Variants in NUTM2B observed in about 807,000 individuals in gnomAD.
NUTM2B encodes NUT family member 2B, also known as family with sequence similarity 22, member B.
In NUTM2B, 2 loss-of-function variants were observed where a neutral mutation model predicts 42.4. The observed-to-expected ratio is 0.05, with a 90% CI of 0.02 to 0.15. The LOEUF (loss-of-function observed/expected upper bound fraction) is 0.15. Ranked by LOEUF, NUTM2B falls within the 10% of genes least tolerant of loss-of-function variation. The probability of loss-of-function intolerance (pLI) is 1.00; values close to 1 mark genes in which losing one functional copy is unlikely to be tolerated. For missense variants in NUTM2B, 58 were observed against 952.6 expected, an observed-to-expected ratio of 0.06 and a Z score of 12.36; for synonymous variants, 18 against 402.4, an observed-to-expected ratio of 0.04 and a Z score of 11.43.
upstream of NUTM2B, among the ~76,000 whole-genome samples, chr10:79,701,400 G>T (rs994504022): frequency 6.6e-5 from 10 of 151,946 alleles, 1 homozygote; most frequent in African/African-American, 2.4e-4. Context: ...CAGAATTCCA[G>T]TTGGCAATAA....
At chr10:79,696,450 C>A in the NUTM2B span, among the ~76,000 whole-genome samples, 1 of 151,268 alleles carries the variant, frequency 6.6e-6, no homozygotes, top group Non-Finnish European at 1.5e-5. Flanking sequence ...AAAAACAAAA[C>A]CAAACGATGT....
At chr10:79,692,726 T>G in the NUTM2B span, among the ~76,000 whole-genome samples, 1 of 152,236 alleles carries the variant, frequency 6.6e-6, no homozygotes, top group Non-Finnish European at 1.5e-5. Flanking sequence ...CTTCCCATGC[T>G]GGGCCTGGGC....
chr10:79,698,515 A>AT (rs565965421), upstream of NUTM2B, among the ~76,000 whole-genome samples: 86 of 127,018 alleles, frequency 6.8e-4, no homozygotes, highest in East Asian at 0.02. Flanking sequence ...TATCTCCAGC[A>AT]TATCATTTAT....
At chr10:79,700,859 G>A (rs1340118045), upstream of NUTM2B, among the ~76,000 whole-genome samples, 1 of 152,240 alleles carries the variant, frequency 6.6e-6, no homozygotes, top group Non-Finnish European at 1.5e-5. Context: ...GGGCCCCGCT[G>A]GAGATGTGGA....
At chr10:79,702,470 C>T (rs1178868467), upstream of NUTM2B, among the ~76,000 whole-genome samples, 2 of 151,512 alleles carry the variant, frequency 1.3e-5, no homozygotes, top group East Asian at 1.9e-4. Context: ...GGGCTTGAGA[C>T]TTGCAATCCA....
the NUTM2B span, among the ~76,000 whole-genome samples, chr10:79,696,775 T>A: frequency 1.3e-5 from 2 of 152,222 alleles, no homozygotes; most frequent in Non-Finnish European, 2.9e-5. Flanking sequence ...CACTAGCATG[T>A]GCAGCAATAG....
upstream of NUTM2B, among the ~76,000 whole-genome samples, chr10:79,701,563 G>A (rs1840314997): frequency 1.3e-5 from 2 of 151,876 alleles, no homozygotes; most frequent in Non-Finnish European, 2.9e-5. Flanking sequence ...CAGTCCCAGG[G>A]CCTCAAGTGC....
At chr10:79,707,408 A>T (rs1427156990) in intron 2 of NUTM2B, among the ~76,000 whole-genome samples, 2 of 132,932 alleles carry the variant, frequency 1.5e-5, no homozygotes, top group Non-Finnish European at 3.1e-5. Context: ...ATTACATGAC[A>T]GCAGTTACGA....
chr10:79,693,832 G>A, the NUTM2B span, among the ~76,000 whole-genome samples: 1 of 152,172 alleles, frequency 6.6e-6, no homozygotes, highest in Non-Finnish European at 1.5e-5. Context: ...AGAACTACCA[G>A]GAATCCATTT....
upstream of NUTM2B, among the ~76,000 whole-genome samples, chr10:79,700,278 C>T (rs1460706893): frequency 6.6e-6 from 1 of 152,254 alleles, no homozygotes. Context: ...TGAGGTCGTC[C>T]GTGAGAACTT....
chr10:79,710,900 G>A, intron 5 of NUTM2B, 136 bp downstream of exon 5: 2 of 1,295,618 alleles, frequency 1.5e-6, no homozygotes, highest in Non-Finnish European at 1.0e-6. Context: ...GTATGTGATT[G>A]TGTGTGTCTG....
intron 1 of NUTM2B, among the ~76,000 whole-genome samples, chr10:79,704,932 C>T (rs879417753): frequency 6.7e-6 from 1 of 149,788 alleles, no homozygotes; most frequent in African/African-American, 2.5e-5. Context: ...AGATGGTTCT[C>T]TTATTATTAT....
chr10:79,699,441 C>A (rs1840274249), upstream of NUTM2B, among the ~76,000 whole-genome samples: 1 of 152,030 alleles, frequency 6.6e-6, no homozygotes, highest in African/African-American at 2.4e-5. Context: ...ACAGTTATGA[C>A]CTTCTTTTTT....
intron 3 of NUTM2B, among the ~76,000 whole-genome samples, 154 bp downstream of exon 3, chr10:79,708,981 C>G (rs1414644853): frequency 7.9e-6 from 1 of 127,206 alleles, no homozygotes; most frequent in Non-Finnish European, 1.6e-5. Flanking sequence ...GGAAGCTGCT[C>G]CTGCCACCTA....
the NUTM2B span, among the ~76,000 whole-genome samples, chr10:79,693,327 G>A: frequency 6.6e-6 from 1 of 152,214 alleles, no homozygotes; most frequent in Non-Finnish European, 1.5e-5. Context: ...GGGCACCAGG[G>A]CCCAGTGAGG....
At chr10:79,695,426 C>A in the NUTM2B span, among the ~76,000 whole-genome samples, 2 of 152,244 alleles carry the variant, frequency 1.3e-5, no homozygotes, top group Non-Finnish European at 2.9e-5. Flanking sequence ...CAAGACTCCA[C>A]TGAGATAAAA....
chr10:79,696,865 G>A, the NUTM2B span, among the ~76,000 whole-genome samples: 1 of 150,068 alleles, frequency 6.7e-6, no homozygotes, highest in Admixed American at 6.6e-5. Flanking sequence ...AGTCATGTAA[G>A]GCTCCCATAA....
chr10:79,700,566 G>A (rs938321760), upstream of NUTM2B, among the ~76,000 whole-genome samples: 3 of 125,454 alleles, frequency 2.4e-5, no homozygotes, highest in Non-Finnish European at 5.1e-5. Flanking sequence ...GTCACAATGT[G>A]GGGTCGCCCC....
chr10:79,699,694 C>A (rs1402031166), upstream of NUTM2B, among the ~76,000 whole-genome samples: 1 of 152,172 alleles, frequency 6.6e-6, no homozygotes, highest in African/African-American at 2.4e-5. Flanking sequence ...CCATCTGCCT[C>A]GGCCTCTCAA....
Sources: gnomAD v4.1 joint callset for allele counts (sites outside exome capture counted in the v4.1 genomes callset) on GRCh38, gnomAD v4.1.1 for gene constraint, MANE v1.5 for transcripts, NCBI Gene and HGNC (gene_info 2026-07-23, HGNC 2026-07-21) for gene names.